Variants in MIPOL1 observed in about 807,000 individuals in gnomAD.
MIPOL1 encodes the protein mirror-image polydactyly gene 1 protein.
In MIPOL1, 57 loss-of-function variants were observed where a neutral mutation model predicts 60.9. The ratio of observed to expected loss-of-function variants is 0.94; its 90% CI spans 0.76 to 1.17. The LOEUF (loss-of-function observed/expected upper bound fraction) is 1.17. Ranked by LOEUF, MIPOL1 falls within the 50% of genes most tolerant of loss-of-function variation. The pLI is 0.00. For synonymous variants in MIPOL1, 179 were observed against 168.8 expected, an observed-to-expected ratio of 1.06 and a Z score of -0.47; for missense variants, 551 against 511.6, an observed-to-expected ratio of 1.08 and a Z score of -0.74.
chr14:37,348,796 C>T (rs1272350624), intron 9 of MIPOL1, among the ~76,000 whole-genome samples: 4 of 149,528 alleles, frequency 2.7e-5, no homozygotes, highest in Non-Finnish European at 5.9e-5. Context: ...TTCTCCTTCC[C>T]TTCCCTTAGT....
intron 6 of MIPOL1, 123 bp from the exon 7 acceptor site, chr14:37,285,195 T>C (rs2084450485): frequency 2.1e-6 from 2 of 937,422 alleles, no homozygotes; most frequent in South Asian, 2.0e-5. Flanking sequence ...GATTGATTGA[T>C]ATTAATTCAG....
Position 37,218,467 on chromosome 14 carries a change from C to T in MIPOL1, c.-199+20363C>T, listed in dbSNP as rs530104019. Among the ~76,000 whole-genome samples, 66 of 152,154 alleles carry T rather than the reference C, an allele frequency of 4.3e-4. No individual in the cohort carries two copies. In the South Asian group the frequency reaches 8.7e-3, roughly 20 times the overall value. ...CCTCCCAAAGTGCTGGGATCACAGA[C>T]GTGAGCCACTGCGCCTGGCCGATTT... On this transcript the variant is annotated intron_variant, in intron 1 of 12. Transcript: ENST00000684589.
intron 11 of MIPOL1, among the ~76,000 whole-genome samples, chr14:37,482,513 T>A (rs759505249): frequency 2.0e-5 from 3 of 152,068 alleles, no homozygotes; most frequent in Non-Finnish European, 4.4e-5. Context: ...CTCAGGAAAT[T>A]TGCAATCATG....
intron 12 of MIPOL1, among the ~76,000 whole-genome samples, chr14:37,512,137 C>G (rs2095332572): frequency 6.8e-6 from 1 of 147,882 alleles, no homozygotes; most frequent in Non-Finnish European, 1.5e-5. Flanking sequence ...TATAGGGCAC[C>G]CTATATCTTT....
intron 12 of MIPOL1, chr14:37,507,429 A>G (rs2095287958): frequency 6.6e-6 from 1 of 152,240 alleles, no homozygotes; most frequent in Non-Finnish European, 1.5e-5. Context: ...CAGCCATAAA[A>G]AAGAATGAGT....
chr14:37,528,481 A>G (rs1055751857), intron 12 of MIPOL1, among the ~76,000 whole-genome samples: 1 of 152,078 alleles, frequency 6.6e-6, no homozygotes, highest in South Asian at 2.1e-4. Flanking sequence ...TAGAAAAGCA[A>G]TTAGGCTATT....
At chr14:37,374,245 G>A (rs2092715384) in intron 10 of MIPOL1, among the ~76,000 whole-genome samples, 3 of 151,702 alleles carry the variant, frequency 2.0e-5, no homozygotes, top group African/African-American at 7.3e-5. Flanking sequence ...TTTTTCGGGG[G>A]GTAAATTTGT....
chr14:37,363,280 T>C (rs1405928222), intron 9 of MIPOL1, among the ~76,000 whole-genome samples: 3 of 152,302 alleles, frequency 2.0e-5, no homozygotes, highest in South Asian at 4.1e-4. Context: ...GTTTTTGACC[T>C]ACAGTTGGGG....
chr14:37,278,198 C>G (rs1435515159), intron 6 of MIPOL1: 1 of 151,520 alleles, frequency 6.6e-6, no homozygotes, highest in Non-Finnish European at 1.5e-5. Flanking sequence ...AAACATCGAA[C>G]TAATTTGAGT....
chr14:37,365,448 A>G (rs2092438032), intron 9 of MIPOL1, among the ~76,000 whole-genome samples: 2 of 152,086 alleles, frequency 1.3e-5, no homozygotes, highest in Admixed American at 1.3e-4. Context: ...ATGCATTTTC[A>G]GCATCTATTG....
rs544538001 is a variant in MIPOL1 at position 37,324,686 on chromosome 14, C to G, written c.828+16167C>G. ...CTACAGGCTTTAATGTTTTAGTTTT[C>G]ACTTTTAGTCTGTGATTTATTTTGA... On this transcript the variant is annotated intron_variant, in intron 9 of 12. Transcript: ENST00000684589. Among the ~76,000 whole-genome samples, 54 of 152,018 alleles carry G rather than the reference C, an allele frequency of 3.6e-4. 1 individual carries two copies. The highest frequency in any genetic ancestry group is 7.1e-4 in the Non-Finnish European group (48 of 67,946).
At chr14:37,476,658 C>T (rs180683603) in intron 11 of MIPOL1, among the ~76,000 whole-genome samples, 5 of 152,158 alleles carry the variant, frequency 3.3e-5, no homozygotes, top group Admixed American at 3.3e-4. Flanking sequence ...TGGATTTTGT[C>T]AGATGCTTCT....
At chr14:37,396,242 T>G (rs569454250) in intron 10 of MIPOL1, among the ~76,000 whole-genome samples, 1 of 152,268 alleles carries the variant, frequency 6.6e-6, no homozygotes, top group South Asian at 2.1e-4. Flanking sequence ...ATGTTTAGTT[T>G]TGCTGGATAC....
intron 6 of MIPOL1, chr14:37,277,436 C>T (rs1350209176): frequency 2.0e-5 from 3 of 151,190 alleles, no homozygotes; most frequent in Non-Finnish European, 4.5e-5. Context: ...TTCTCTTTCA[C>T]ATTGGAAAAG....
intron 9 of MIPOL1, 57 bp from the exon 10 acceptor site, chr14:37,369,460 T>G (rs1168277190): frequency 1.6e-6 from 2 of 1,259,576 alleles, no homozygotes; most frequent in Non-Finnish European, 2.3e-6. Flanking sequence ...TTCATGTGGC[T>G]TGGTGAAAAA....
At chr14:37,297,298 T>C (rs1455768348) in intron 7 of MIPOL1, among the ~76,000 whole-genome samples, 1 of 152,108 alleles carries the variant, frequency 6.6e-6, no homozygotes, top group Non-Finnish European at 1.5e-5. Context: ...ATTGATGGGA[T>C]GTATCTCAAA....
chr14:37,416,871 A>C (rs1405118091), intron 10 of MIPOL1, among the ~76,000 whole-genome samples: 1 of 152,144 alleles, frequency 6.6e-6, no homozygotes, highest in African/African-American at 2.4e-5. Flanking sequence ...GTTTTGCAGC[A>C]CATCTTCTGC....
chr14:37,467,231 T>C (rs1016309714), intron 11 of MIPOL1, among the ~76,000 whole-genome samples: 1 of 152,198 alleles, frequency 6.6e-6, no homozygotes, highest in Non-Finnish European at 1.5e-5. Context: ...GAGTTGACTT[T>C]GTTCAACTGT....
rs529104802 is a variant in MIPOL1 at position 37,386,626 on chromosome 14, G to A, written c.936+17002G>A. Among the ~76,000 whole-genome samples the A allele has an allele frequency of 2.0e-5, 3 of 152,056 alleles. No homozygotes were observed. In the South Asian group the frequency reaches 6.2e-4, roughly 32 times the overall value. On this transcript the variant is annotated intron_variant, in intron 10 of 12. Transcript: ENST00000684589. Reference sequence around the variant, plus strand: ...ATGTCCTTCCCAAGCTCACTGATGAGCTCTAGGTTAAGAACCTGTATTCTA... The same window carrying A: ...ATGTCCTTCCCAAGCTCACTGATGAACTCTAGGTTAAGAACCTGTATTCTA...
Sources: allele counts gnomAD v4.1 joint callset (sites outside exome capture counted in the v4.1 genomes callset), GRCh38; gene constraint gnomAD v4.1.1; transcripts MANE v1.5; gene names NCBI Gene and HGNC (gene_info 2026-07-23, HGNC 2026-07-21).